STXBP5: variants seen among roughly 807,000 people sequenced by gnomAD.
The protein encoded by STXBP5 is syntaxin binding protein 5, also known as syntaxin-binding protein 5.
In STXBP5, 50 loss-of-function variants were observed where a neutral mutation model predicts 152.4. The observed-to-expected ratio is 0.33, with a 90% CI of 0.26 to 0.42. The LOEUF is 0.42. Among genes scored for constraint, STXBP5 ranks in the 10% least tolerant of loss-of-function variants. The pLI, the probability that STXBP5 is intolerant of heterozygous loss-of-function variation, is 1.00. For synonymous variants in STXBP5, 492 were observed against 494.7 expected (o/e 0.99, Z 0.07); for missense variants, 1,167 against 1,388.6 (o/e 0.84, Z 2.54).
chr6:147,353,444 A>G, intron 22 of STXBP5, 71 bp downstream of exon 22: 2 of 1,040,392 alleles, frequency 1.9e-6, no homozygotes, highest in Non-Finnish European at 2.8e-6. Context: ...GAAAATTTAT[A>G]GTTACTGTAA....
chr6:147,218,580 G>C (rs1039005716), intron 2 of STXBP5, among the ~76,000 whole-genome samples: 3 of 151,822 alleles, frequency 2.0e-5, no homozygotes. Flanking sequence ...TCCTGGGCTC[G>C]AGCAATCCTT....
At chr6:147,213,761 G>T (rs1777018788) in intron 2 of STXBP5, among the ~76,000 whole-genome samples, 1 of 152,008 alleles carries the variant, frequency 6.6e-6, no homozygotes, top group Non-Finnish European at 1.5e-5. Context: ...TTGGTATTTT[G>T]GGATGGCAGA....
intron 23 of STXBP5, 35 bp from the exon 24 acceptor site, chr6:147,363,300 A>C (rs759086110): frequency 4.6e-6 from 7 of 1,527,234 alleles, no homozygotes; most frequent in African/African-American, 1.4e-5. Context: ...GTTGATTAAA[A>C]TATTTCAGTT....
chr6:147,238,392 C>G (rs1047532195), intron 3 of STXBP5, among the ~76,000 whole-genome samples: 8 of 152,086 alleles, frequency 5.3e-5, no homozygotes, highest in African/African-American at 1.9e-4. Context: ...TGCATTAAAC[C>G]CTTCACAGAG....
At chr6:147,270,337 T>G (rs957784963) in intron 7 of STXBP5, among the ~76,000 whole-genome samples, 3 of 149,200 alleles carry the variant, frequency 2.0e-5, no homozygotes, top group African/African-American at 7.4e-5. Flanking sequence ...AGACGGAGCT[T>G]GCAGTGAACT....
At chr6:147,288,943 A>G (rs576617451) in intron 8 of STXBP5, among the ~76,000 whole-genome samples, 2 of 152,238 alleles carry the variant, frequency 1.3e-5, no homozygotes, top group South Asian at 4.1e-4. Context: ...TACCCTTGGT[A>G]GGTGAACACG....
chr6:147,221,203 C>T (rs565475797), intron 2 of STXBP5, among the ~76,000 whole-genome samples: 3 of 152,146 alleles, frequency 2.0e-5, no homozygotes, highest in Admixed American at 6.5e-5. Context: ...TTACTCTGAT[C>T]ACTTATGTCA....
chr6:147,288,381 G>T (rs1275753096), intron 8 of STXBP5, among the ~76,000 whole-genome samples: 1 of 152,100 alleles, frequency 6.6e-6, no homozygotes, highest in African/African-American at 2.4e-5. Flanking sequence ...GCATTTTCAT[G>T]GCTAGCCTAC....
chr6:147,353,506 C>T (rs1784682245), intron 22 of STXBP5, 133 bp downstream of exon 22: 3 of 513,760 alleles, frequency 5.8e-6, no homozygotes, highest in Non-Finnish European at 1.0e-5. Context: ...AAGGTTTAAA[C>T]ATTCTTTGGA....
chr6:147,213,914 A>G (rs1431185148), intron 2 of STXBP5, among the ~76,000 whole-genome samples: 3 of 152,202 alleles, frequency 2.0e-5, no homozygotes, highest in African/African-American at 7.2e-5. Context: ...AACATAATAT[A>G]GTTCTACAGA....
At position 147,384,494 on chromosome 6, in the gene STXBP5, A is replaced by G. The variant is rs371319225; in HGVS notation, c.3415-220A>G. 2.0e-5 allele frequency among the ~76,000 whole-genome samples: 3 copies of G among 152,124 alleles called. No homozygotes were observed. In the East Asian group the frequency reaches 5.8e-4, roughly 29 times the overall value. ...GGTCACCAAATTATGTCACATTTCTAAGAAATCTGTGGAACTTCTAGGCTA... is the reference window on the plus strand; with the variant it reads ...GGTCACCAAATTATGTCACATTTCTGAGAAATCTGTGGAACTTCTAGGCTA... On this transcript the variant is annotated intron_variant, in intron 27 of 27. Coordinates refer to ENST00000321680, the MANE Select transcript of STXBP5 (RefSeq NM_001127715.4).
intron 9 of STXBP5, among the ~76,000 whole-genome samples, chr6:147,303,759 G>C (rs1164119354): frequency 6.6e-6 from 1 of 152,214 alleles, no homozygotes; most frequent in African/African-American, 2.4e-5. Flanking sequence ...AATGCTGATA[G>C]TGATGTGGAC....
At chr6:147,335,052 T>C (rs946527132) in intron 19 of STXBP5, among the ~76,000 whole-genome samples, 8 of 152,168 alleles carry the variant, frequency 5.3e-5, no homozygotes, top group African/African-American at 1.9e-4. Context: ...AGCTTTTATG[T>C]TTGCCTTTTA....
intron 25 of STXBP5, among the ~76,000 whole-genome samples, chr6:147,368,278 A>G (rs1785387366): frequency 6.6e-6 from 1 of 152,122 alleles, no homozygotes; most frequent in Admixed American, 6.5e-5. Context: ...AAATTTTTGC[A>G]AATTGAATTC....
At chr6:147,344,891 T>A (rs1240529682) in intron 21 of STXBP5, among the ~76,000 whole-genome samples, 1 of 152,204 alleles carries the variant, frequency 6.6e-6, no homozygotes, top group Non-Finnish European at 1.5e-5. Context: ...ATTTAGACAT[T>A]AAGTTTTATG....
chr6:147,350,852 C>A (rs1310714259), intron 21 of STXBP5, among the ~76,000 whole-genome samples: 4 of 152,078 alleles, frequency 2.6e-5, no homozygotes, highest in African/African-American at 9.7e-5. Context: ...TTACATAATC[C>A]TCTCAGCTAT....
At chr6:147,345,511 A>C (rs920071173) in intron 21 of STXBP5, among the ~76,000 whole-genome samples, 7 of 152,146 alleles carry the variant, frequency 4.6e-5, no homozygotes, top group Non-Finnish European at 8.8e-5. Context: ...CTTTCAAGAG[A>C]GTAGTGTTGG....
At position 147,237,316 on chromosome 6, in the gene STXBP5, G is replaced by GT. The variant is rs199978893; in HGVS notation, c.331-1846dup. Among the ~76,000 whole-genome samples the GT allele has an allele frequency of 5.5e-3, 836 of 151,568 alleles. 4 individuals carry two copies. The highest frequency in any genetic ancestry group is 0.018 in the African/African-American group (738 of 41,364). ...TACATTATAAATACATAAAGATAGG[G>GT]TTTTTTTTGTTTTAAAAAGTGGAAA... On this transcript the variant is annotated intron_variant, in intron 3 of 27. Transcript: ENST00000321680.
chr6:147,266,892 G>A (rs966931914), intron 6 of STXBP5, among the ~76,000 whole-genome samples, 192 bp from the exon 7 acceptor site: 7 of 152,090 alleles, frequency 4.6e-5, no homozygotes, highest in Non-Finnish European at 7.4e-5. Flanking sequence ...AATCATCAAA[G>A]ACATATAAAT....
Sources: allele counts gnomAD v4.1 joint callset (sites outside exome capture counted in the v4.1 genomes callset), GRCh38; gene constraint gnomAD v4.1.1; transcripts MANE v1.5; gene names NCBI Gene and HGNC (gene_info 2026-07-23, HGNC 2026-07-21).